The following RABGAP1L variants were observed in gnomAD, a reference collection of about 807,000 sequenced individuals.
RABGAP1L encodes rab GTPase-activating protein 1-like.
A neutral mutation model predicts 137.7 loss-of-function variants in RABGAP1L; 63 were observed. The ratio of observed to expected loss-of-function variants is 0.46; its 90% CI spans 0.37 to 0.56. The LOEUF (loss-of-function observed/expected upper bound fraction) is 0.56, where lower values mean the gene tolerates loss of function less well. Among genes scored for constraint, RABGAP1L ranks in the 20% least tolerant of loss-of-function variants. RABGAP1L has a pLI of 0.00. For missense variants in RABGAP1L, 1,095 were observed against 1,244.0 expected (o/e 0.88, Z 1.80); for synonymous variants, 431 against 433.7 (o/e 0.99, Z 0.08).
intron 19 of RABGAP1L, among the ~76,000 whole-genome samples, chr1:174,876,156 A>G (rs948413832): frequency 6.6e-6 from 1 of 152,236 alleles, no homozygotes; most frequent in African/African-American, 2.4e-5. Context: ...GGAAAATAAC[A>G]CTATAGATCT....
intron 14 of RABGAP1L, among the ~76,000 whole-genome samples, chr1:174,640,396 A>G (rs1274801409): frequency 6.6e-6 from 1 of 152,038 alleles, no homozygotes; most frequent in Non-Finnish European, 1.5e-5. Flanking sequence ...TTTGTATCCA[A>G]TTTGAACCAC....
At chr1:174,547,360 T>C (rs1217216299) in intron 13 of RABGAP1L, among the ~76,000 whole-genome samples, 1 of 152,166 alleles carries the variant, frequency 6.6e-6, no homozygotes, top group African/African-American at 2.4e-5. Flanking sequence ...CTCACACCTG[T>C]AATCCTGGTA....
intron 19 of RABGAP1L, among the ~76,000 whole-genome samples, chr1:174,831,321 G>A (rs568398118): frequency 3.4e-5 from 5 of 148,296 alleles, no homozygotes; most frequent in Middle Eastern, 3.6e-3. Context: ...TACAGCAGCA[G>A]CTGACCTTTA....
intron 1 of RABGAP1L, among the ~76,000 whole-genome samples, chr1:174,203,446 A>G (rs1015489343): frequency 1.3e-5 from 2 of 151,908 alleles, no homozygotes; most frequent in South Asian, 2.1e-4. Context: ...TGGGCTCTCT[A>G]TTTTGTTCCA....
chr1:174,676,077 G>T (rs775503321), intron 14 of RABGAP1L, among the ~76,000 whole-genome samples: 3 of 152,056 alleles, frequency 2.0e-5, no homozygotes, highest in South Asian at 4.2e-4. Flanking sequence ...GATGGCCTGG[G>T]AGTAGTGACT....
chr1:174,857,443 C>A (rs1293851440), intron 19 of RABGAP1L, among the ~76,000 whole-genome samples: 1 of 151,968 alleles, frequency 6.6e-6, no homozygotes, highest in Admixed American at 6.6e-5. Flanking sequence ...TTTCATTTCC[C>A]CAGCTGTAAA....
At chr1:174,810,611 A>G (rs1689774612) in intron 18 of RABGAP1L, among the ~76,000 whole-genome samples, 1 of 152,088 alleles carries the variant, frequency 6.6e-6, no homozygotes, top group African/African-American at 2.4e-5. Flanking sequence ...TGCTTTTTTA[A>G]TTGTTGAAGT....
intron 15 of RABGAP1L, 71 bp from the exon 16 acceptor site, chr1:174,699,454 T>G: frequency 6.9e-7 from 1 of 1,457,186 alleles, no homozygotes; most frequent in Non-Finnish European, 9.3e-7. Context: ...ACTAATAACA[T>G]GAAGGAACTT....
At chr1:174,718,393 C>A (rs1294953046) in intron 17 of RABGAP1L, among the ~76,000 whole-genome samples, 1 of 152,198 alleles carries the variant, frequency 6.6e-6, no homozygotes, top group African/African-American at 2.4e-5. Context: ...CTCTACCTCA[C>A]TTCTCTGCTT....
At position 174,891,500 on chromosome 1, in the gene RABGAP1L, C is replaced by CT. The variant is rs1401144539; in HGVS notation, c.2341-65950dup. Among the ~76,000 whole-genome samples the CT allele has an allele frequency of 5.3e-5, 8 of 151,944 alleles. No individual in the cohort carries two copies. In the East Asian group the frequency reaches 1.5e-3, roughly 29 times the overall value. On this transcript the variant is annotated intron_variant, in intron 19 of 25. Coordinates refer to ENST00000681986, the MANE Select transcript of RABGAP1L (RefSeq NM_001366446.1). ...GTGTAGTCCCTAAAGATTTTTCTTGCTTTTTTTGTTTGTTTATTTGGAGAC... is the reference window on the plus strand; with the variant it reads ...GTGTAGTCCCTAAAGATTTTTCTTGCTTTTTTTTGTTTGTTTATTTGGAGAC...
intron 13 of RABGAP1L, among the ~76,000 whole-genome samples, chr1:174,481,895 A>G (rs1659135645): frequency 1.3e-5 from 2 of 150,088 alleles, no homozygotes; most frequent in Admixed American, 1.3e-4. Context: ...AAAAAAAAGA[A>G]AAAAAAAGAA....
intron 15 of RABGAP1L, among the ~76,000 whole-genome samples, chr1:174,698,770 T>C (rs550488382): frequency 6.6e-6 from 1 of 152,232 alleles, no homozygotes; most frequent in South Asian, 2.1e-4. Flanking sequence ...ACAATGTATA[T>C]AGAATATTAT....
intron 1 of RABGAP1L, among the ~76,000 whole-genome samples, chr1:174,160,494 A>G (rs1240528311): frequency 1.3e-5 from 2 of 152,210 alleles, no homozygotes; most frequent in African/African-American, 4.8e-5. Flanking sequence ...TGGATCTCTC[A>G]GATAGGGTTA....
intron 11 of RABGAP1L, among the ~76,000 whole-genome samples, chr1:174,351,922 C>T (rs1480047883): frequency 6.6e-6 from 1 of 152,170 alleles, no homozygotes; most frequent in East Asian, 1.9e-4. Flanking sequence ...TTGCCTCAGC[C>T]TCCCAGGTAG....
At chr1:174,561,956 A>G (rs1667245967) in intron 13 of RABGAP1L, among the ~76,000 whole-genome samples, 1 of 152,228 alleles carries the variant, frequency 6.6e-6, no homozygotes, top group Non-Finnish European at 1.5e-5. Context: ...CAAAGACTTC[A>G]TGTCCAAAAC....
intron 19 of RABGAP1L, among the ~76,000 whole-genome samples, chr1:174,896,252 T>C (rs1657151840): frequency 6.6e-6 from 1 of 152,218 alleles, no homozygotes; most frequent in African/African-American, 2.4e-5. Flanking sequence ...TTTTGAGAAG[T>C]GTCTGTTCAT....
At chr1:174,383,011 C>G (rs2149045250) in intron 12 of RABGAP1L, among the ~76,000 whole-genome samples, 1 of 151,200 alleles carries the variant, frequency 6.6e-6, no homozygotes, top group Non-Finnish European at 1.5e-5. Context: ...TTCTAACAGA[C>G]AGGACCCTCA....
chr1:174,550,857 AATATATATATATAT>A lies in RABGAP1L; in HGVS notation c.1711-86492_1711-86479del, dbSNP rs1216100934. ...ACACGGTGAAACCCCGTCTCTGCTAAATATATATATATATATATATATATATATATATATATATA... is the reference window on the plus strand; with the variant it reads ...ACACGGTGAAACCCCGTCTCTGCTAAATATATATATATATATATATATATA... On this transcript the variant is annotated intron_variant, in intron 13 of 25. Transcript: ENST00000681986. 2.7e-4 allele frequency among the ~76,000 whole-genome samples: 17 copies of A among 61,836 alleles called. 1 individual carries two copies. The highest frequency in any genetic ancestry group is 0.012 in the Middle Eastern group (1 of 82). The allele number at this position is 61,836 out of a possible 152,430, so 40.6% of individuals were successfully genotyped here. A position where few individuals can be genotyped will look rare whatever the true frequency, so the allele number is the denominator to read the frequency against.
chr1:174,179,378 T>C (rs1666163464), intron 1 of RABGAP1L, among the ~76,000 whole-genome samples: 1 of 152,234 alleles, frequency 6.6e-6, no homozygotes, highest in African/African-American at 2.4e-5. Context: ...AACTTGCCAC[T>C]CAAACAATTG....
Sources: gnomAD v4.1 joint callset for allele counts (sites outside exome capture counted in the v4.1 genomes callset) on GRCh38, gnomAD v4.1.1 for gene constraint, MANE v1.5 for transcripts, NCBI Gene and HGNC (gene_info 2026-07-23, HGNC 2026-07-21) for gene names.